Variants in PDE4D observed in about 807,000 individuals in gnomAD.
PDE4D encodes phosphodiesterase 4D, also known as 3',5'-cyclic-AMP phosphodiesterase 4D.
PDE4D carries 24 observed loss-of-function variants against 87.4 expected under a neutral mutation model. The ratio of observed to expected loss-of-function variants is 0.27; its 90% confidence interval spans 0.20 to 0.39. The LOEUF (loss-of-function observed/expected upper bound fraction) is 0.39. PDE4D is among the 10% of genes least tolerant of loss of function. The probability of loss-of-function intolerance (pLI) is 1.00; values close to 1 mark genes in which losing one functional copy is unlikely to be tolerated. For synonymous variants in PDE4D, 384 were observed against 383.2 expected, an observed-to-expected ratio of 1.00 and a Z score of -0.02; for missense variants, 714 against 1,041.0, an observed-to-expected ratio of 0.69 and a Z score of 4.32.
At chr5:59,561,606 T>C (rs956385480) in intron 1 of PDE4D, among the ~76,000 whole-genome samples, 4 of 152,206 alleles carry the variant, frequency 2.6e-5, no homozygotes, top group African/African-American at 9.6e-5. Context: ...AAAGAAGTAG[T>C]ACATCAGTAA....
chr5:59,341,493 C>T (rs1778712695), intron 1 of PDE4D, among the ~76,000 whole-genome samples: 1 of 152,088 alleles, frequency 6.6e-6, no homozygotes, highest in African/African-American at 2.4e-5. Context: ...GAAATTTTTA[C>T]AAAGTTAAAT....
intron 1 of PDE4D, among the ~76,000 whole-genome samples, chr5:59,596,751 C>T (rs1826739184): frequency 6.6e-6 from 1 of 152,098 alleles, no homozygotes. Context: ...AGCATGATAA[C>T]TTGACTCACT....
At chr5:59,824,895 A>G (rs554387815) in intron 1 of PDE4D, among the ~76,000 whole-genome samples, 2 of 152,304 alleles carry the variant, frequency 1.3e-5, no homozygotes, top group African/African-American at 4.8e-5. Context: ...GGATAGTGAT[A>G]TATTACAGCA....
rs564248041 is a variant in PDE4D at position 59,334,247 on chromosome 5, G to GTTTTT, written c.456-118284_456-118280dup. ...AAGTTGGAAGAGAGGATCCAGTGGA[G>GTTTTT]TTTTTTTTTTTTTTTTTTTTTTTTT... On this transcript the variant is annotated intron_variant, in intron 1 of 14. Transcript: ENST00000340635. Among the ~76,000 whole-genome samples the GTTTTT allele has an allele frequency of 3.6e-3, 359 of 98,614 alleles. 15 individuals are homozygous for GTTTTT. Among genetic ancestry groups the GTTTTT allele is most frequent in the Non-Finnish European group, 5.2e-3 (267 of 51,384 alleles). 64.7% of individuals were successfully genotyped at this position (98,614 alleles called of 152,430 possible).
chr5:60,237,349 GAA>G (rs1038037404), intron 1 of PDE4D, among the ~76,000 whole-genome samples: 2 of 151,964 alleles, frequency 1.3e-5, no homozygotes, highest in Admixed American at 6.6e-5. Flanking sequence ...GCCAAAAATT[GAA>G]AAGACTAAAA....
intron 1 of PDE4D, among the ~76,000 whole-genome samples, chr5:60,363,490 C>T (rs2149961907): frequency 6.6e-6 from 1 of 152,344 alleles, no homozygotes; most frequent in South Asian, 2.1e-4. Flanking sequence ...TTTGAGCACT[C>T]ACTTCATGCC....
At chr5:60,058,109 G>A (rs1458286058) in intron 2 of PDE4D, among the ~76,000 whole-genome samples, 2 of 151,916 alleles carry the variant, frequency 1.3e-5, no homozygotes, top group Non-Finnish European at 2.9e-5. Context: ...GAGGTTTAAA[G>A]AACACTTTTT....
At chr5:59,390,938 C>T (rs887916085) in intron 1 of PDE4D, among the ~76,000 whole-genome samples, 3 of 151,978 alleles carry the variant, frequency 2.0e-5, no homozygotes, top group Non-Finnish European at 2.9e-5. Context: ...ATGATCTTTC[C>T]CCACCCTTGA....
chr5:59,136,859 T>C (rs909990416), intron 5 of PDE4D, among the ~76,000 whole-genome samples: 3 of 152,128 alleles, frequency 2.0e-5, no homozygotes, highest in African/African-American at 7.2e-5. Flanking sequence ...GAACTGAAGA[T>C]CACTGCAATT....
intron 2 of PDE4D, among the ~76,000 whole-genome samples, chr5:60,010,713 C>A (rs1464930680): frequency 6.6e-6 from 1 of 152,102 alleles, no homozygotes; most frequent in East Asian, 1.9e-4. Context: ...GACTGAATAT[C>A]TTCTACAACA....
intron 5 of PDE4D, among the ~76,000 whole-genome samples, chr5:59,075,846 A>G (rs1433241910): frequency 6.6e-6 from 1 of 151,808 alleles, no homozygotes; most frequent in Non-Finnish European, 1.5e-5. Context: ...ATAAATATCC[A>G]TTTTTTTTAA....
At chr5:59,539,584 T>C (rs1020897292) in intron 1 of PDE4D, among the ~76,000 whole-genome samples, 4 of 152,038 alleles carry the variant, frequency 2.6e-5, no homozygotes, top group African/African-American at 7.3e-5. Flanking sequence ...AAGCCAATTT[T>C]CTTTTGTGTT....
chr5:59,563,591 C>G (rs1029783510), intron 1 of PDE4D, among the ~76,000 whole-genome samples: 3 of 152,170 alleles, frequency 2.0e-5, no homozygotes, highest in African/African-American at 7.2e-5. Context: ...ATCTTCACAA[C>G]AACACTCTGA....
At chr5:59,092,192 C>G (rs934733995) in intron 5 of PDE4D, among the ~76,000 whole-genome samples, 22 of 152,162 alleles carry the variant, frequency 1.4e-4, no homozygotes, top group Admixed American at 1.1e-3. Flanking sequence ...CAAAGGCATA[C>G]TTTGCTTATG....
At chr5:59,221,388 T>G (rs891781789) in intron 1 of PDE4D, among the ~76,000 whole-genome samples, 6 of 152,092 alleles carry the variant, frequency 3.9e-5, no homozygotes, top group African/African-American at 1.4e-4. Flanking sequence ...TCCCAGCACT[T>G]TAGGAAGCCA....
At chr5:59,310,159 G>A (rs1057007791) in intron 1 of PDE4D, among the ~76,000 whole-genome samples, 1 of 152,186 alleles carries the variant, frequency 6.6e-6, no homozygotes, top group African/African-American at 2.4e-5. Flanking sequence ...GATAGGGCTT[G>A]AGCCTAGGCC....
Position 60,410,603 on chromosome 5 carries a change from G to A in PDE4D, c.-90+77339C>T, listed in dbSNP as rs556443219. 5.9e-5 allele frequency among the ~76,000 whole-genome samples: 9 copies of A among 152,320 alleles called. No individual in the cohort carries two copies. In the East Asian group the frequency reaches 1.5e-3, roughly 26 times the overall value. On this transcript the variant is annotated intron_variant, in intron 1 of 16. Coordinates refer to the PDE4D transcript ENST00000502484. ...TGGATGAGATGTCAGTGAACTTTGT[G>A]ACTCACCACAAGTCTTGACAAATAT...
At chr5:59,073,742 T>C (rs1765251964) in intron 5 of PDE4D, among the ~76,000 whole-genome samples, 1 of 152,186 alleles carries the variant, frequency 6.6e-6, no homozygotes, top group Non-Finnish European at 1.5e-5. Flanking sequence ...TGCCAATGAA[T>C]GGCTTAGATA....
At chr5:60,416,382 C>T (rs1289200800) in intron 1 of PDE4D, among the ~76,000 whole-genome samples, 2 of 152,204 alleles carry the variant, frequency 1.3e-5, no homozygotes, top group African/African-American at 4.8e-5. Flanking sequence ...ATAAATCTTG[C>T]TGCTGCTCAC....
Sources: gnomAD v4.1 joint callset for allele counts (sites outside exome capture counted in the v4.1 genomes callset) on GRCh38, gnomAD v4.1.1 for gene constraint, MANE v1.5 for transcripts, NCBI Gene and HGNC (gene_info 2026-07-23, HGNC 2026-07-21) for gene names.